The following LYRM4 variants were observed in gnomAD, a reference collection of about 807,000 sequenced individuals.
LYRM4 encodes LYR motif-containing protein 4.
LYRM4 carries 9 observed loss-of-function variants against 11.7 expected under a neutral mutation model. The ratio of observed to expected loss-of-function variants is 0.77; its 90% confidence interval spans 0.46 to 1.34. LYRM4 has a LOEUF of 1.34. Ranked by LOEUF, LYRM4 falls within the 40% of genes most tolerant of loss-of-function variation. The probability of loss-of-function intolerance (pLI) is 0.00; values close to 1 mark genes in which losing one functional copy is unlikely to be tolerated. For synonymous variants in LYRM4, 42 were observed against 40.4 expected, an observed-to-expected ratio of 1.04 and a Z score of -0.15; for missense variants, 133 against 112.5, an observed-to-expected ratio of 1.18 and a Z score of -0.82.
chr6:5,054,554 C>A, the LYRM4 span: 1 of 153,728 alleles, frequency 6.5e-6, no homozygotes, highest in Non-Finnish European at 1.5e-5. Flanking sequence ...GGGAGTCATA[C>A]TTGGTTACGA....
the LYRM4 span, among the ~76,000 whole-genome samples, chr6:5,074,603 T>C: frequency 6.6e-6 from 1 of 151,356 alleles, no homozygotes; most frequent in African/African-American, 2.4e-5. Flanking sequence ...CTTGAACAAG[T>C]GAGGAGTTGC....
the LYRM4 span, among the ~76,000 whole-genome samples, chr6:5,078,436 A>C: frequency 2.0e-5 from 3 of 152,020 alleles, no homozygotes; most frequent in Non-Finnish European, 4.4e-5. Flanking sequence ...TATAATCATC[A>C]TCCTCATCCC....
chr6:5,040,395 A>AC, the LYRM4 span, among the ~76,000 whole-genome samples: 2 of 151,750 alleles, frequency 1.3e-5, no homozygotes, highest in Admixed American at 6.6e-5. Context: ...ATACATACAT[A>AC]AAGAAATTTC....
At chr6:5,181,022 G>A (rs937594569) in intron 2 of LYRM4, among the ~76,000 whole-genome samples, 1 of 152,278 alleles carries the variant, frequency 6.6e-6, no homozygotes, top group Admixed American at 6.5e-5. Flanking sequence ...CAGACTTTAT[G>A]CACAGAGTTT....
At chr6:5,192,678 C>T (rs772340563) in intron 2 of LYRM4, among the ~76,000 whole-genome samples, 26 of 152,238 alleles carry the variant, frequency 1.7e-4, no homozygotes, top group Non-Finnish European at 3.4e-4. Flanking sequence ...TCTGAATCTG[C>T]GCATGGTTAA....
At chr6:5,213,290 T>C (rs1474313760) in intron 2 of LYRM4, among the ~76,000 whole-genome samples, 2 of 152,218 alleles carry the variant, frequency 1.3e-5, no homozygotes, top group Non-Finnish European at 2.9e-5. Context: ...AGAGACTTAT[T>C]TTAAAAAGCA....
chr6:5,245,812 T>C (rs1347284357), intron 1 of LYRM4, among the ~76,000 whole-genome samples: 1 of 151,650 alleles, frequency 6.6e-6, no homozygotes, highest in Non-Finnish European at 1.5e-5. Context: ...TCCAGGCGAG[T>C]GAGTGCAGAA....
the LYRM4 span, among the ~76,000 whole-genome samples, chr6:5,084,201 A>G: frequency 6.6e-6 from 1 of 152,246 alleles, no homozygotes; most frequent in Non-Finnish European, 1.5e-5. Flanking sequence ...AGAATCACTG[A>G]CTTAGATGGC....
At chr6:5,100,140 C>T (rs1762454437), downstream of LYRM4, among the ~76,000 whole-genome samples, 1 of 152,204 alleles carries the variant, frequency 6.6e-6, no homozygotes, top group South Asian at 2.1e-4. Flanking sequence ...TTACCTCTTG[C>T]AGGCCTCAAT....
chr6:5,200,205 G>A (rs1761307484), intron 2 of LYRM4, among the ~76,000 whole-genome samples: 1 of 152,094 alleles, frequency 6.6e-6, no homozygotes, highest in Non-Finnish European at 1.5e-5. Flanking sequence ...CAGAAGTGCA[G>A]GATGGATCAG....
rs538204556 is a variant in LYRM4 at position 5,225,956 on chromosome 6, T to TCCC, written c.87-9221_87-9219dup. Among the ~76,000 whole-genome samples, 353 of 152,340 alleles carry TCCC rather than the reference T, an allele frequency of 2.3e-3. 2 individuals are homozygous for TCCC. Among genetic ancestry groups the TCCC allele is most frequent in the South Asian group, 3.9e-3 (19 of 4,824 alleles). On this transcript the variant is annotated intron_variant, in intron 1 of 2. Transcript: ENST00000330636. ...ATCATGTATGATGTCCACCACATTG[T>TCCC]CCCAGGTCTATTTGTACTTCTGTTT... is the stretch of plus-strand genomic sequence containing the variant.
At chr6:5,086,621 G>A in the LYRM4 span, 3 of 1,334,600 alleles carry the variant, frequency 2.2e-6, no homozygotes, top group African/African-American at 4.4e-5. Flanking sequence ...AGCTCGGGCT[G>A]CCGCCTCAAG....
the LYRM4 span, among the ~76,000 whole-genome samples, chr6:5,056,315 A>G: frequency 6.6e-6 from 1 of 152,230 alleles, no homozygotes; most frequent in Non-Finnish European, 1.5e-5. Flanking sequence ...TTGGAAAAGG[A>G]AAGAGTGTCT....
At chr6:5,073,475 A>G in the LYRM4 span, among the ~76,000 whole-genome samples, 5 of 148,506 alleles carry the variant, frequency 3.4e-5, no homozygotes, top group Non-Finnish European at 5.9e-5. Flanking sequence ...TTTTTTTCCT[A>G]TTTTATATAT....
chr6:5,113,699 A>C lies in LYRM4; in HGVS notation c.208-4208T>G, dbSNP rs9504332. ...TTCTCCAAAATGCTGCTCCTCTACC[A>C]GGTCCCAACAATTTCTTCCTTTCTT... On this transcript the variant is annotated intron_variant, in intron 2 of 2. Transcript: ENST00000330636. Among the ~76,000 whole-genome samples the C allele has an allele frequency of 9.1e-3, 1,375 of 150,980 alleles. 23 individuals are homozygous for C. Among genetic ancestry groups the C allele is most frequent in the African/African-American group, 0.031 (1,290 of 41,170 alleles).
At chr6:5,086,051 C>T in the LYRM4 span, 1 of 1,482,112 alleles carries the variant, frequency 6.7e-7, no homozygotes, top group Non-Finnish European at 8.9e-7. Flanking sequence ...GTGGCCGCGC[C>T]CCTTTCAGCG....
chr6:5,138,486 C>CAAAA (rs1490809192), intron 2 of LYRM4, among the ~76,000 whole-genome samples: 2 of 32,110 alleles, frequency 6.2e-5, no homozygotes, highest in Non-Finnish European at 1.0e-4. Context: ...GACCCTGTCT[C>CAAAA]CAAAAAAAAA....
At chr6:5,080,494 C>G in the LYRM4 span, among the ~76,000 whole-genome samples, 1 of 152,116 alleles carries the variant, frequency 6.6e-6, no homozygotes, top group Non-Finnish European at 1.5e-5. Flanking sequence ...AGCTGTAAGG[C>G]CTGGTTTTGT....
At chr6:5,045,460 G>A in the LYRM4 span, among the ~76,000 whole-genome samples, 3 of 152,340 alleles carry the variant, frequency 2.0e-5, no homozygotes, top group East Asian at 5.8e-4. Context: ...GGGACTCGGG[G>A]AGAGAGGAAA....
Sources: allele counts gnomAD v4.1 joint callset (sites outside exome capture counted in the v4.1 genomes callset), GRCh38; gene constraint gnomAD v4.1.1; transcripts MANE v1.5; gene names NCBI Gene and HGNC (gene_info 2026-07-23, HGNC 2026-07-21).